DYRK1A: variants seen among roughly 807,000 people sequenced by gnomAD.
The protein encoded by DYRK1A is dual specificity tyrosine phosphorylation regulated kinase 1A, also known as dual specificity tyrosine-phosphorylation-regulated kinase 1A.
Under a neutral mutation model 79.7 loss-of-function variants are expected in DYRK1A, and 9 were observed. The ratio of observed to expected loss-of-function variants is 0.11; its 90% confidence interval spans 0.07 to 0.20. The LOEUF (loss-of-function observed/expected upper bound fraction) is 0.20, where lower values mean the gene tolerates loss of function less well. DYRK1A is among the 10% of genes least tolerant of loss of function. DYRK1A has a pLI of 1.00. For synonymous variants in DYRK1A, 349 were observed against 329.7 expected (o/e 1.06, Z -0.63); for missense variants, 622 against 956.0 (o/e 0.65, Z 4.61).
intron 2 of DYRK1A, chr21:37,421,978 T>C (rs1246138257): frequency 6.6e-6 from 1 of 152,170 alleles, no homozygotes; most frequent in Non-Finnish European, 1.5e-5. Flanking sequence ...TTTCTATTTA[T>C]CCTCACAAGA....
chr21:37,449,763 C>G (rs1175542566), intron 2 of DYRK1A, among the ~76,000 whole-genome samples: 2 of 152,186 alleles, frequency 1.3e-5, no homozygotes, highest in African/African-American at 4.8e-5. Flanking sequence ...TTACTCTCCA[C>G]TTTTCCCCAT....
chr21:37,415,746 C>T (rs973617419), intron 1 of DYRK1A, among the ~76,000 whole-genome samples: 3 of 152,094 alleles, frequency 2.0e-5, no homozygotes, highest in Non-Finnish European at 2.9e-5. Context: ...GGATTACAGG[C>T]ATGAGCTGCT....
At chr21:37,457,722 C>T (rs2051699184) in intron 2 of DYRK1A, among the ~76,000 whole-genome samples, 1 of 152,144 alleles carries the variant, frequency 6.6e-6, no homozygotes, top group Non-Finnish European at 1.5e-5. Flanking sequence ...CTTAACTAGA[C>T]TTAAAAATAT....
chr21:37,389,860 A>G (rs1376312530), intron 1 of DYRK1A, among the ~76,000 whole-genome samples: 2 of 151,786 alleles, frequency 1.3e-5, no homozygotes, highest in East Asian at 3.9e-4. Flanking sequence ...AAGGGCTGGC[A>G]TGCACAGTTC....
intron 2 of DYRK1A, among the ~76,000 whole-genome samples, chr21:37,442,019 T>C (rs2051121496): frequency 6.6e-6 from 1 of 151,956 alleles, no homozygotes; most frequent in Non-Finnish European, 1.5e-5. Flanking sequence ...ATGACACTTT[T>C]TTCTTTCAGT....
rs181752595 is a variant in DYRK1A at position 37,484,549 on chromosome 21, G to A, written c.490-1918G>A. On this transcript the variant is annotated intron_variant, in intron 5 of 11. Transcript: ENST00000647188. ...TCACCACGTTGGTCAGGCTGGTCTC[G>A]AGCTCCTGACCTCAGGTGATCCGCC... is the stretch of plus-strand genomic sequence containing the variant. Among the ~76,000 whole-genome samples the A allele has an allele frequency of 1.6e-3, 237 of 152,030 alleles. 3 individuals are homozygous for A. Among genetic ancestry groups the A allele is most frequent in the Admixed American group, 0.015 (232 of 15,266 alleles).
At position 37,478,210 on chromosome 21, in the gene DYRK1A, G is replaced by A; in HGVS notation, c.210G>A (p.Arg70=). ...TGCCTGATATTGTCATGTTACAGAG[G>A]CGGATGCCCCAAACCTTCCGTGACC... ...DQIQQPLTNQ[R]RMPQTFRDPA... The change falls in exon 4 of 12, where the codon AGG becomes AGA. Residue 70 remains arginine (R), a splice_region_variant and synonymous_variant. Coordinates refer to ENST00000647188, the MANE Select transcript of DYRK1A (RefSeq NM_001347721.2). 2 of 1,614,064 alleles carry A rather than the reference G, an allele frequency of 1.2e-6. No individual in the cohort carries two copies. The highest frequency in any genetic ancestry group is 8.5e-7 in the Non-Finnish European group (1 of 1,179,976).
intron 1 of DYRK1A, among the ~76,000 whole-genome samples, chr21:37,393,234 C>A (rs2049903741): frequency 6.6e-6 from 1 of 152,148 alleles, no homozygotes; most frequent in Admixed American, 6.5e-5. Context: ...AAAGAAGTAT[C>A]CATGATGTGC....
intron 1 of DYRK1A, among the ~76,000 whole-genome samples, chr21:37,372,294 CAAAAA>C (rs34428459): frequency 6.1e-5 from 9 of 147,216 alleles, no homozygotes; most frequent in African/African-American, 2.0e-4. Flanking sequence ...CAAAACAAAA[CAAAAA>C]AAAAACAGGT....
At chr21:37,474,363 A>G (rs144758664) in intron 3 of DYRK1A, among the ~76,000 whole-genome samples, 4 of 152,258 alleles carry the variant, frequency 2.6e-5, no homozygotes, top group Non-Finnish European at 4.4e-5. Context: ...GTTTTAAGCT[A>G]TGAAATACTT....
intron 1 of DYRK1A, among the ~76,000 whole-genome samples, chr21:37,406,036 T>C (rs555452753): frequency 1.1e-3 from 170 of 152,114 alleles, no homozygotes; most frequent in Admixed American, 2.4e-3. Context: ...TTAAGGATGA[T>C]ACATATATTT....
intron 5 of DYRK1A, among the ~76,000 whole-genome samples, chr21:37,485,780 G>C (rs999089213): frequency 6.6e-6 from 1 of 152,148 alleles, no homozygotes; most frequent in Non-Finnish European, 1.5e-5. Context: ...AAATGAGTCA[G>C]ATTTCAAGTG....
chr21:37,479,845 T>C (rs2052571707), intron 4 of DYRK1A, among the ~76,000 whole-genome samples: 1 of 151,834 alleles, frequency 6.6e-6, no homozygotes, highest in Non-Finnish European at 1.5e-5. Flanking sequence ...GCCAGGATGG[T>C]CTCGATCTCC....
chr21:37,370,287 ACCTTTTTTTTTTT>A (rs1487119690), intron 1 of DYRK1A, among the ~76,000 whole-genome samples: 4 of 145,890 alleles, frequency 2.7e-5, no homozygotes, highest in Admixed American at 6.8e-5. Flanking sequence ...TCACTTGAAA[ACCTTTTTTTTTTT>A]TTTAAGAAAT....
In DYRK1A at chr21:37,511,154, G is replaced by GC. The variant is rs1349453811; in HGVS notation, c.1645-755dup. On this transcript the variant is annotated intron_variant, in intron 11 of 11. Coordinates refer to ENST00000647188, the MANE Select transcript of DYRK1A (RefSeq NM_001347721.2). Reference sequence around the variant, plus strand: ...GTCTTCTTTGTTTGGAACTCAGGTAGCCAGGGATAGGATGGGTGGAGAAAG... The same window carrying GC: ...GTCTTCTTTGTTTGGAACTCAGGTAGCCCAGGGATAGGATGGGTGGAGAAAG... Among the ~76,000 whole-genome samples the GC allele has an allele frequency of 5.9e-5, 9 of 152,350 alleles. No homozygotes were observed. In the East Asian group the frequency reaches 1.3e-3, roughly 23 times the overall value.
chr21:37,447,208 ATTC>A (rs1417445605), intron 2 of DYRK1A, among the ~76,000 whole-genome samples: 3 of 152,136 alleles, frequency 2.0e-5, no homozygotes, highest in African/African-American at 7.2e-5. Context: ...TTTCCTGCTC[ATTC>A]ACTAAAGATT....
intron 5 of DYRK1A, chr21:37,486,168 A>T (rs1384208930): frequency 1.7e-5 from 3 of 173,468 alleles, no homozygotes; most frequent in Non-Finnish European, 3.6e-5. Context: ...TTATTTCTGA[A>T]GGAGGAAAAT....
At chr21:37,462,139 T>G (rs2051860099) in intron 2 of DYRK1A, among the ~76,000 whole-genome samples, 1 of 152,198 alleles carries the variant, frequency 6.6e-6, no homozygotes, top group African/African-American at 2.4e-5. Context: ...CTAACTTCAC[T>G]CTTTCTGTCA....
intron 1 of DYRK1A, among the ~76,000 whole-genome samples, chr21:37,379,968 G>A (rs552398589): frequency 7.2e-5 from 11 of 152,284 alleles, no homozygotes; most frequent in African/African-American, 2.6e-4. Flanking sequence ...CTGGCTGGGG[G>A]AATCTTTAAT....
Sources: gnomAD v4.1 joint callset for allele counts (sites outside exome capture counted in the v4.1 genomes callset) on GRCh38, gnomAD v4.1.1 for gene constraint, MANE v1.5 for transcripts, NCBI Gene and HGNC (gene_info 2026-07-23, HGNC 2026-07-21) for gene names.